Variants in SEMA6D observed in about 807,000 individuals in gnomAD.
The protein encoded by SEMA6D is semaphorin 6D.
SEMA6D carries 35 observed loss-of-function variants against 106.6 expected under a neutral mutation model. That is an observed-to-expected ratio of 0.33 (90% CI 0.25 to 0.44). The LOEUF is 0.44. Among genes scored for constraint, SEMA6D ranks in the 20% least tolerant of loss-of-function variants. SEMA6D has a pLI of 1.00. For missense variants in SEMA6D, 1,185 were observed against 1,345.9 expected, an observed-to-expected ratio of 0.88 and a Z score of 1.87; for synonymous variants, 499 against 487.7, an observed-to-expected ratio of 1.02 and a Z score of -0.31.
At chr15:47,657,642 A>T (rs534422581) in intron 4 of SEMA6D, among the ~76,000 whole-genome samples, 1 of 149,594 alleles carries the variant, frequency 6.7e-6, no homozygotes, top group Non-Finnish European at 1.5e-5. Flanking sequence ...TAATCATAGG[A>T]TCAAAACTTT....
chr15:47,629,985 A>AT (rs1489803262), intron 4 of SEMA6D, among the ~76,000 whole-genome samples: 1 of 151,860 alleles, frequency 6.6e-6, no homozygotes, highest in Non-Finnish European at 1.5e-5. Flanking sequence ...TATCTTTGTT[A>AT]TTGGAAATAG....
chr15:47,561,305 A>ATTTATTGTCATAAACAATGG (rs1566891222), intron 3 of SEMA6D, among the ~76,000 whole-genome samples: 2 of 152,070 alleles, frequency 1.3e-5, no homozygotes, highest in Non-Finnish European at 2.9e-5. Context: ...ATAAACAATG[A>ATTTATTGTCATAAACAATGG]AGTTTAGAAA....
chr15:47,576,149 T>G lies in SEMA6D; in HGVS notation c.-86-24716T>G, dbSNP rs551396365. Reference sequence around the variant, plus strand: ...TCAATGTATTGCCTGCACTTAATTTTAACTGAAAGCTACCTTGTATAATGT... The same window carrying G: ...TCAATGTATTGCCTGCACTTAATTTGAACTGAAAGCTACCTTGTATAATGT... On this transcript the variant is annotated intron_variant, in intron 3 of 19. Coordinates refer to the SEMA6D transcript ENST00000558014. 2.0e-5 allele frequency among the ~76,000 whole-genome samples: 3 copies of G among 152,362 alleles called. No homozygotes were observed. In the South Asian group the frequency reaches 6.2e-4, roughly 32 times the overall value.
chr15:47,216,470 C>G (rs2141292593), intron 1 of SEMA6D, among the ~76,000 whole-genome samples: 1 of 152,170 alleles, frequency 6.6e-6, no homozygotes, highest in African/African-American at 2.4e-5. Flanking sequence ...AATAGCATAA[C>G]CAGAACGTAT....
At chr15:47,327,420 C>G (rs756602596) in intron 1 of SEMA6D, among the ~76,000 whole-genome samples, 1 of 152,084 alleles carries the variant, frequency 6.6e-6, no homozygotes, top group Non-Finnish European at 1.5e-5. Flanking sequence ...ACAACCTGTT[C>G]CCTTAGTCAC....
At chr15:47,346,937 GTCTC>G (rs2038069136) in intron 1 of SEMA6D, among the ~76,000 whole-genome samples, 1 of 151,350 alleles carries the variant, frequency 6.6e-6, no homozygotes, top group Non-Finnish European at 1.5e-5. Context: ...TTGAGATGGA[GTCTC>G]TCTGTCACCC....
At chr15:47,700,485 A>G (rs2145902467) in intron 4 of SEMA6D, among the ~76,000 whole-genome samples, 1 of 152,344 alleles carries the variant, frequency 6.6e-6, no homozygotes, top group Admixed American at 6.5e-5. Flanking sequence ...ACAGTGACCT[A>G]TGATGAAGCC....
chr15:47,733,823 G>A (rs540380713), intron 1 of SEMA6D, among the ~76,000 whole-genome samples: 1 of 152,184 alleles, frequency 6.6e-6, no homozygotes, highest in Non-Finnish European at 1.5e-5. Flanking sequence ...AATCAAGGAT[G>A]TTTGGCAATA....
chr15:47,349,279 G>T lies in SEMA6D; in HGVS notation c.-238-63114G>T, dbSNP rs578225686. Among the ~76,000 whole-genome samples, 6 of 152,238 alleles carry T rather than the reference G, an allele frequency of 3.9e-5. No individual in the cohort carries two copies. The East Asian group carries it at 1.2e-3, about 29-fold the overall frequency. On this transcript the variant is annotated intron_variant, in intron 1 of 19. Coordinates refer to the SEMA6D transcript ENST00000558014. ...AGCTGAAGGCACTTTTTGTGGATTT[G>T]ATTTTATTTCATCATCAGAGAATGC...
chr15:47,294,384 C>T (rs564334382), intron 1 of SEMA6D, among the ~76,000 whole-genome samples: 25 of 152,066 alleles, frequency 1.6e-4, no homozygotes, highest in Non-Finnish European at 2.6e-4. Flanking sequence ...CCACCATGCC[C>T]GGCTAATTTT....
intron 1 of SEMA6D, among the ~76,000 whole-genome samples, chr15:47,184,641 G>A (rs1893416552): frequency 6.6e-6 from 1 of 152,168 alleles, no homozygotes; most frequent in African/African-American, 2.4e-5. Context: ...CGGCGGCAGA[G>A]TTGTTGGCAC....
intron 4 of SEMA6D, among the ~76,000 whole-genome samples, chr15:47,672,273 C>T (rs2078152114): frequency 6.6e-6 from 1 of 152,182 alleles, no homozygotes; most frequent in South Asian, 2.1e-4. Flanking sequence ...CTGACGTTGT[C>T]ATACCACTGC....
Position 47,335,020 on chromosome 15 carries a change from G to A in SEMA6D, c.-238-77373G>A, listed in dbSNP as rs2037493921. ...CAGATGTGTGTCTCTCTGAGCTCAG[G>A]CCTCTAGCCTGAAATCTACCCACAA... On this transcript the variant is annotated intron_variant, in intron 1 of 19. Transcript: ENST00000558014. Among the ~76,000 whole-genome samples the A allele has an allele frequency of 2.0e-5, 3 of 152,148 alleles. No individual in the cohort carries two copies. The South Asian group carries it at 6.2e-4, about 32-fold the overall frequency.
At chr15:47,480,900 T>G (rs189189392) in intron 3 of SEMA6D, among the ~76,000 whole-genome samples, 21 of 152,334 alleles carry the variant, frequency 1.4e-4, no homozygotes, top group Non-Finnish European at 2.9e-4. Context: ...ATATCACCTC[T>G]TCCAGAAAGC....
chr15:47,581,730 TA>T (rs1372411685), intron 3 of SEMA6D, among the ~76,000 whole-genome samples: 4 of 152,180 alleles, frequency 2.6e-5, no homozygotes, highest in African/African-American at 4.8e-5. Flanking sequence ...AAGAACATTG[TA>T]GGTCATAGGA....
chr15:47,736,655 C>T lies in SEMA6D; in HGVS notation c.-55+18963C>T, dbSNP rs574715276. On this transcript the variant is annotated intron_variant, in intron 1 of 18. Transcript: ENST00000536845. ...ACTTCCTGCTGTCATACACACAGGA[C>T]TTTAAGCAGGATTTTGGAATTTAAA... Among the ~76,000 whole-genome samples, 8 of 152,296 alleles carry T rather than the reference C, an allele frequency of 5.3e-5. No individual in the cohort carries two copies. In the South Asian group the frequency reaches 1.5e-3, roughly 28 times the overall value.
intron 1 of SEMA6D, among the ~76,000 whole-genome samples, chr15:47,344,293 ACTTCTG>A (rs1220274595): frequency 1.3e-5 from 2 of 152,192 alleles, no homozygotes; most frequent in African/African-American, 4.8e-5. Flanking sequence ...ATATCTGAGG[ACTTCTG>A]CTTCTGGCCA....
chr15:47,442,713 G>A (rs2041918327), intron 2 of SEMA6D, among the ~76,000 whole-genome samples: 1 of 152,116 alleles, frequency 6.6e-6, no homozygotes, highest in Non-Finnish European at 1.5e-5. Context: ...CTCAGATCTG[G>A]AATGCCTGGG....
At chr15:47,753,715 G>T (rs2081569720) in intron 1 of SEMA6D, among the ~76,000 whole-genome samples, 1 of 152,144 alleles carries the variant, frequency 6.6e-6, no homozygotes, top group African/African-American at 2.4e-5. Context: ...AAATGACTGG[G>T]AAACTATCAG....
Sources: allele counts gnomAD v4.1 joint callset (sites outside exome capture counted in the v4.1 genomes callset), GRCh38; gene constraint gnomAD v4.1.1; transcripts MANE v1.5; gene names NCBI Gene and HGNC (gene_info 2026-07-23, HGNC 2026-07-21).